Variants in MARK3 observed in about 807,000 individuals in gnomAD.
MARK3 encodes MAP/microtubule affinity-regulating kinase 3.
MARK3 carries 46 observed loss-of-function variants against 90.1 expected under a neutral mutation model. That is an observed-to-expected ratio of 0.51 (90% confidence interval 0.40 to 0.65). The LOEUF is 0.65. MARK3 is among the 30% of genes least tolerant of loss of function. MARK3 has a pLI of 0.00. For synonymous variants in MARK3, 321 were observed against 332.6 expected (o/e 0.97, Z 0.38); for missense variants, 818 against 947.2 (o/e 0.86, Z 1.79).
At chr14:103,477,974 G>A (rs1419977047) in intron 13 of MARK3, among the ~76,000 whole-genome samples, 1 of 145,562 alleles carries the variant, frequency 6.9e-6, no homozygotes. Context: ...ATTCCAGCCT[G>A]GGCAACAGAG....
chr14:103,414,413 C>G (rs28626081), intron 2 of MARK3, among the ~76,000 whole-genome samples: 50,786 of 152,006 alleles, frequency 0.33, 8,807 homozygotes, highest in Middle Eastern at 0.45. Flanking sequence ...CCATGTTGGT[C>G]AGGCTGGTCT....
intron 6 of MARK3, chr14:103,458,615 A>C: frequency 1.9e-6 from 1 of 516,216 alleles, no homozygotes; most frequent in Admixed American, 3.5e-5. Context: ...GGAAAGGAGC[A>C]GTGCTTCACT....
At chr14:103,392,626 T>C (rs1735740224) in intron 1 of MARK3, among the ~76,000 whole-genome samples, 1 of 152,168 alleles carries the variant, frequency 6.6e-6, no homozygotes, top group African/African-American at 2.4e-5. Flanking sequence ...CAAAGGAAGA[T>C]TTCCAGACCA....
chr14:103,390,344 G>C (rs1207225137), intron 1 of MARK3, among the ~76,000 whole-genome samples: 1 of 152,188 alleles, frequency 6.6e-6, no homozygotes, highest in Non-Finnish European at 1.5e-5. Context: ...GGTGACAAAG[G>C]CTGCTAGTAA....
rs567024438 is a variant in MARK3, at chr14:103,408,724, G to C, written c.243+3457G>C. Among the ~76,000 whole-genome samples the C allele has an allele frequency of 4.5e-4, 68 of 152,220 alleles. 1 individual carries two copies. The South Asian group carries it at 8.1e-3, about 18-fold the overall frequency. On this transcript the variant is annotated intron_variant, in intron 2 of 17. Transcript: ENST00000429436. Reference sequence around the variant, plus strand: ...TCATTTCCTGTGTGTGCGGAGACTTGGAAAAGGTTGGGAAGCACTGGACTG... The same window carrying C: ...TCATTTCCTGTGTGTGCGGAGACTTCGAAAAGGTTGGGAAGCACTGGACTG...
At chr14:103,456,233 G>A (rs1489155062) in intron 5 of MARK3, among the ~76,000 whole-genome samples, 1 of 152,032 alleles carries the variant, frequency 6.6e-6, no homozygotes, top group East Asian at 1.9e-4. Flanking sequence ...TTTGATTATT[G>A]TACTGATCTC....
rs1194595551 is a variant in MARK3, at chr14:103,503,032, C to G, written c.2067C>G (p.Asp689Glu). The part of the protein sequence containing the change: ...IRKVLDANNC[D>E]YEQRERFLLF... ...AAGTGTTGGACGCCAATAACTGCGA[C>G]TATGAGCAGAGGGAGCGCTTCTTGC... is the stretch of plus-strand genomic sequence containing the variant. Residue 689 changes from aspartate (D) to glutamate (E), a missense_variant, in exon 18 of 18, where the codon GAC becomes GAG. Physicochemically the swap from Asp to Glu is conservative, Grantham distance 45. Around this residue, in one of 3 missense-constraint regions of MARK3, gnomAD observed 560 missense variants for 613.5 expected, o/e 0.91. Transcript: ENST00000429436. 6.2e-7 allele frequency: 1 copy of G among 1,614,240 alleles called. No individual in the cohort carries two copies. The highest frequency in any genetic ancestry group is 1.1e-5 in the South Asian group (1 of 91,082).
At chr14:103,487,277 C>T (rs1168840303) in intron 14 of MARK3, among the ~76,000 whole-genome samples, 1 of 151,446 alleles carries the variant, frequency 6.6e-6, no homozygotes, top group East Asian at 2.0e-4. Flanking sequence ...ATTGCCTAAG[C>T]TCAGGAGTTC....
At chr14:103,466,192 T>G (rs2093499121) in intron 9 of MARK3, 101 bp downstream of exon 9, 1 of 1,448,116 alleles carries the variant, frequency 6.9e-7, no homozygotes, top group South Asian at 1.3e-5. Context: ...ATCCTGCGGC[T>G]TTTTAAGCAA....
intron 3 of MARK3, among the ~76,000 whole-genome samples, chr14:103,435,865 C>T (rs1367064527): frequency 2.0e-5 from 3 of 151,864 alleles, no homozygotes; most frequent in East Asian, 1.9e-4. Flanking sequence ...ACTATAGGCG[C>T]GCACCACCAC....
At chr14:103,402,332 C>A (rs981656010) in intron 1 of MARK3, among the ~76,000 whole-genome samples, 1 of 152,054 alleles carries the variant, frequency 6.6e-6, no homozygotes, top group Non-Finnish European at 1.5e-5. Flanking sequence ...GTGGGTAGAT[C>A]ACTTAAGGTC....
rs565245120 is a variant in MARK3 at position 103,417,715 on chromosome 14, C to CT, written c.244-10671dup. ...GAGCCTCAAAATCTATCTTCTATCT[C>CT]TATGTTTTTACTTTCTGGGAGATAT... On this transcript the variant is annotated intron_variant, in intron 2 of 17. Transcript: ENST00000429436. 8.8e-4 allele frequency among the ~76,000 whole-genome samples: 134 copies of CT among 152,168 alleles called. 3 individuals carry two copies. In the East Asian group the frequency reaches 0.023, roughly 26 times the overall value.
intron 5 of MARK3, among the ~76,000 whole-genome samples, chr14:103,454,773 T>C (rs1380399231): frequency 6.6e-6 from 1 of 152,198 alleles, no homozygotes; most frequent in African/African-American, 2.4e-5. Flanking sequence ...TTTTTACAGA[T>C]GAAACTGAAG....
chr14:103,452,469 G>GTTTTTTT (rs1404035040), intron 5 of MARK3, among the ~76,000 whole-genome samples: 1 of 84,188 alleles, frequency 1.2e-5, no homozygotes, highest in Non-Finnish European at 3.2e-5. Context: ...TACAGGATTT[G>GTTTTTTT]TCTTTTTTTT....
At chr14:103,418,603 C>A (rs1034878153) in intron 2 of MARK3, among the ~76,000 whole-genome samples, 9 of 152,126 alleles carry the variant, frequency 5.9e-5, no homozygotes, top group African/African-American at 2.2e-4. Context: ...CCTGCCTTTT[C>A]ATCTGTTGCT....
chr14:103,412,466 TTCTTGACCAGA>T, intron 2 of MARK3: 1 of 535,946 alleles, frequency 1.9e-6, no homozygotes, highest in South Asian at 2.0e-5. Flanking sequence ...CTTGGCCAGC[TTCTTGACCAGA>T]TTCTTATTCT....
intron 2 of MARK3, among the ~76,000 whole-genome samples, chr14:103,414,847 C>T (rs958009408): frequency 1.3e-5 from 2 of 151,962 alleles, no homozygotes; most frequent in Non-Finnish European, 1.5e-5. Context: ...AAGATACTCA[C>T]GAAGGCCGGG....
chr14:103,486,602 TG>T (rs906799469), intron 14 of MARK3, among the ~76,000 whole-genome samples: 12 of 152,076 alleles, frequency 7.9e-5, no homozygotes, highest in Non-Finnish European at 1.8e-4. Flanking sequence ...AACACTTTTC[TG>T]GGGGGAAATA....
chr14:103,488,044 C>CA lies in MARK3; in HGVS notation c.1587-3720dup, dbSNP rs35899081. ...TGGGCGACAGAGTGAGACTCCGTCT[C>CA]AAAAAAAAAAAAATAAATAACATTT... is the stretch of plus-strand genomic sequence containing the variant. On this transcript the variant is annotated intron_variant, in intron 14 of 17. Coordinates refer to ENST00000429436, the MANE Select transcript of MARK3 (RefSeq NM_001128918.3). 1.1e-3 allele frequency among the ~76,000 whole-genome samples: 163 copies of CA among 144,784 alleles called. 1 individual carries two copies. Among genetic ancestry groups the CA allele is most frequent in the African/African-American group, 3.7e-3 (144 of 38,794 alleles). 95.0% of individuals were successfully genotyped at this position (144,784 alleles called of 152,430 possible). A position where few individuals can be genotyped will look rare whatever the true frequency, so the allele number is the denominator to read the frequency against.
Sources: allele counts gnomAD v4.1 joint callset (sites outside exome capture counted in the v4.1 genomes callset), GRCh38; gene constraint gnomAD v4.1.1; regional missense constraint gnomAD v4.1.1; transcripts MANE v1.5; gene names NCBI Gene and HGNC (gene_info 2026-07-23, HGNC 2026-07-21).